Variants in DOCK1 observed in about 807,000 individuals in gnomAD.
The protein encoded by DOCK1 is dedicator of cytokinesis protein 1.
Under a neutral mutation model 262.7 loss-of-function variants are expected in DOCK1, and 138 were observed. That is an observed-to-expected ratio of 0.53 (90% confidence interval 0.46 to 0.61). DOCK1 has a LOEUF of 0.61. Ranked by LOEUF, DOCK1 falls within the 20% of genes least tolerant of loss-of-function variation. The pLI is 0.00. For synonymous variants in DOCK1, 866 were observed against 867.4 expected (o/e 1.00, Z 0.03); for missense variants, 1,908 against 2,370.7 (o/e 0.80, Z 4.05).
intron 2 of DOCK1, among the ~76,000 whole-genome samples, chr10:126,972,453 C>T (rs775095946): frequency 1.6e-4 from 24 of 152,102 alleles, no homozygotes; most frequent in Middle Eastern, 3.4e-3. Context: ...TTATTGTTGT[C>T]GGCTTAATTT....
rs2055061331 is a variant in DOCK1 at position 127,175,816 on chromosome 10, C to T, written c.2847+48052C>T. 25 of 1,614,074 alleles carry T rather than the reference C, an allele frequency of 1.5e-5. No homozygotes were observed. Among genetic ancestry groups the T allele is most frequent in the Non-Finnish European group, 2.1e-5 (25 of 1,180,018 alleles). The stretch of plus-strand genomic sequence containing the variant: ...AGCGGCTCCGGGCTTTTACAGGGCT[C>T]TGTGCAGTTGACCCCCAAAGGCTGG... On this transcript the variant is annotated intron_variant, in intron 27 of 51. Transcript: ENST00000623213. This position sits in a 1 kb window ranked among gnomAD's most constrained non-coding sequence, Gnocchi z 6.3.
At chr10:126,997,690 G>T (rs2040309525) in intron 7 of DOCK1, 1 of 215,026 alleles carries the variant, frequency 4.7e-6, no homozygotes, top group African/African-American at 2.3e-5. Context: ...TGAATCATCT[G>T]TTAATTCAAC....
intron 29 of DOCK1, among the ~76,000 whole-genome samples, chr10:127,304,072 G>A (rs1421099153): frequency 6.6e-6 from 1 of 152,130 alleles, no homozygotes; most frequent in Non-Finnish European, 1.5e-5. Flanking sequence ...AGAGTGGAAA[G>A]AGCACTGGGC....
intron 31 of DOCK1, among the ~76,000 whole-genome samples, chr10:127,351,223 A>G (rs1033122066): frequency 3.9e-5 from 6 of 152,030 alleles, no homozygotes; most frequent in African/African-American, 1.5e-4. Context: ...TCCTAAGCGT[A>G]GGTTCTCCTG....
At chr10:127,251,011 G>A (rs1311819078) in intron 28 of DOCK1, among the ~76,000 whole-genome samples, 1 of 151,778 alleles carries the variant, frequency 6.6e-6, no homozygotes, top group East Asian at 2.0e-4. Flanking sequence ...TGCCCAGGCT[G>A]GAGTACAATG....
chr10:127,145,569 C>T (rs532330299), intron 27 of DOCK1, among the ~76,000 whole-genome samples: 2 of 152,314 alleles, frequency 1.3e-5, no homozygotes, highest in East Asian at 1.9e-4. Flanking sequence ...GTGAGTCCCT[C>T]GTGGCCAACC....
chr10:127,286,762 A>G (rs1248582522), intron 29 of DOCK1, among the ~76,000 whole-genome samples: 1 of 152,108 alleles, frequency 6.6e-6, no homozygotes, highest in Non-Finnish European at 1.5e-5. Context: ...CATAGTTCCT[A>G]TAGTTTGCCC....
intron 40 of DOCK1, 36 bp downstream of exon 40, chr10:127,404,465 G>A (rs2296630): frequency 1.3e-6 from 2 of 1,587,612 alleles, no homozygotes; most frequent in South Asian, 1.1e-5. Flanking sequence ...AGCCATGATT[G>A]TTCCCCCAGC....
In DOCK1 at chr10:126,940,740, A is replaced by G. The variant is rs950645148; in HGVS notation, c.47-29962A>G. Among the ~76,000 whole-genome samples, 5 of 152,290 alleles carry G rather than the reference A, an allele frequency of 3.3e-5. No individual in the cohort carries two copies. The South Asian group carries it at 6.2e-4, about 19-fold the overall frequency. On this transcript the variant is annotated intron_variant, in intron 1 of 51. Coordinates refer to ENST00000623213, the MANE Select transcript of DOCK1 (RefSeq NM_001290223.2). ...TTTTAGTAAACAAACTCTCAGTTCA[A>G]ATAAGTCAGAGTGCCTTTTTTTGTA... is the stretch of plus-strand genomic sequence containing the variant.
chr10:127,163,582 C>G (rs1206994471), intron 27 of DOCK1, among the ~76,000 whole-genome samples: 1 of 152,130 alleles, frequency 6.6e-6, no homozygotes, highest in Admixed American at 6.5e-5. Context: ...TTTGGGTGAA[C>G]TGATAACATG....
chr10:126,970,014 T>C (rs998205572), intron 1 of DOCK1, among the ~76,000 whole-genome samples: 6 of 152,030 alleles, frequency 3.9e-5, no homozygotes, highest in African/African-American at 9.7e-5. Flanking sequence ...AAATTGAGAG[T>C]GGGCTAGTTG....
rs537959203 is a variant in DOCK1 at position 127,115,330 on chromosome 10, C to T, written c.2623+4976C>T. 4.6e-5 allele frequency among the ~76,000 whole-genome samples: 7 copies of T among 152,250 alleles called. No homozygotes were observed. In the East Asian group the frequency reaches 1.4e-3, roughly 29 times the overall value. On this transcript the variant is annotated intron_variant, in intron 25 of 51. Transcript: ENST00000623213. Reference sequence around the variant, plus strand: ...GTGAATGGGCAGTGTGTGTGAGAGTCAATAGGCTGTGATGGCTTTAAGCTT... The same window carrying T: ...GTGAATGGGCAGTGTGTGTGAGAGTTAATAGGCTGTGATGGCTTTAAGCTT...
intron 27 of DOCK1, among the ~76,000 whole-genome samples, chr10:127,202,179 C>T (rs948848460): frequency 6.6e-6 from 1 of 152,138 alleles, no homozygotes; most frequent in African/African-American, 2.4e-5. Flanking sequence ...GAAAATTAGC[C>T]AGGCATAGTG....
At chr10:126,907,662 A>T (rs1017677244) in intron 1 of DOCK1, among the ~76,000 whole-genome samples, 2 of 152,002 alleles carry the variant, frequency 1.3e-5, no homozygotes, top group African/African-American at 4.8e-5. Context: ...AGGATCCTAT[A>T]GTGTAGCTGG....
At position 127,138,181 on chromosome 10, in the gene DOCK1, C is replaced by T. The variant is rs10829468; in HGVS notation, c.2847+10417C>T. On this transcript the variant is annotated intron_variant, in intron 27 of 51. Coordinates refer to ENST00000623213, the MANE Select transcript of DOCK1 (RefSeq NM_001290223.2). ...ATACTATGTTTTAGCTCTGTGCTCC[C>T]GTGAAATAGTTCAAGGAGGCTCACT... Among the ~76,000 whole-genome samples the T allele has an allele frequency of 6.5e-3, 996 of 152,264 alleles. 4 individuals are homozygous for T. Among genetic ancestry groups the T allele is most frequent in the Admixed American group, 0.012 (176 of 15,290 alleles).
rs114185944 is a variant in DOCK1 at position 126,910,408 on chromosome 10, G to A, written c.46+4845G>A. On this transcript the variant is annotated intron_variant, in intron 1 of 51. Transcript: ENST00000623213. Reference sequence around the variant, plus strand: ...CGTGGTGTCCTTTGCTGGGTGTGGCGCTGACGCCCCAGGGCCATCGCTGTA... The same window carrying A: ...CGTGGTGTCCTTTGCTGGGTGTGGCACTGACGCCCCAGGGCCATCGCTGTA... 5.6e-3 allele frequency among the ~76,000 whole-genome samples: 857 copies of A among 152,310 alleles called. 4 individuals are homozygous for A. Among genetic ancestry groups the A allele is most frequent in the African/African-American group, 0.019 (787 of 41,546 alleles).
chr10:127,090,685 C>G (rs1033853450), intron 23 of DOCK1, among the ~76,000 whole-genome samples: 2 of 152,112 alleles, frequency 1.3e-5, no homozygotes, highest in Admixed American at 1.3e-4. Context: ...CTGGCAACCA[C>G]GAATTTGTTT....
chr10:127,022,150 A>G (rs2020471558), intron 13 of DOCK1, among the ~76,000 whole-genome samples: 1 of 151,458 alleles, frequency 6.6e-6, no homozygotes, highest in Non-Finnish European at 1.5e-5. Flanking sequence ...TTTACCCCCT[A>G]CAATTAAAAG....
chr10:127,400,083 G>C (rs2067134010), intron 38 of DOCK1, among the ~76,000 whole-genome samples: 1 of 151,738 alleles, frequency 6.6e-6, no homozygotes, highest in Admixed American at 6.6e-5. Context: ...CTGGACACTG[G>C]TCCCAGCTCT....
Sources: allele counts gnomAD v4.1 joint callset (sites outside exome capture counted in the v4.1 genomes callset), GRCh38; gene constraint gnomAD v4.1.1; non-coding constraint Gnocchi (gnomAD v3.1); transcripts MANE v1.5; gene names NCBI Gene and HGNC (gene_info 2026-07-23, HGNC 2026-07-21).